Variants in PRAM1 observed in about 807,000 individuals in gnomAD.
The protein encoded by PRAM1 is PML-RARA-regulated adapter molecule 1.
Under a neutral mutation model 55.3 loss-of-function variants are expected in PRAM1, and 41 were observed. That is an observed-to-expected ratio of 0.74 (90% CI 0.58 to 0.96). PRAM1 has a LOEUF of 0.96. Ranked by LOEUF, PRAM1 falls within the 40% of genes least tolerant of loss-of-function variation. The pLI, the probability that PRAM1 is intolerant of heterozygous loss-of-function variation, is 0.00. For synonymous variants in PRAM1, 401 were observed against 387.1 expected (o/e 1.04, Z -0.42); for missense variants, 898 against 892.7 (o/e 1.01, Z -0.08).
rs1257620412 is a variant in PRAM1 at position 8,498,670 on chromosome 19, G to A, written c.1138C>T (p.Arg380Ter). 6.2e-7 allele frequency: 1 copy of A among 1,609,020 alleles called. No homozygotes were observed. The highest frequency in any genetic ancestry group is 8.5e-7 in the Non-Finnish European group (1 of 1,178,064). ...GCGGAGCTGGGGAGTGGAGGCTTTC[G>A]AGGGAGATCACCGAAGAACTCAGGC... Reference protein sequence around the residue: ...PQPEFFGDLPRKPPLPSSASE... With the variant: ...PQPEFFGDLP The change falls in exon 2 of 10, where the codon CGA becomes TGA. Residue 380 changes from arginine to a stop codon, truncating the protein, a stop_gained. Coordinates refer to ENST00000423345, the MANE Select transcript of PRAM1 (RefSeq NM_032152.5). LOFTEE classifies it high-confidence loss of function.
chr19:8,497,264 G>A (rs558976171), intron 4 of PRAM1, among the ~76,000 whole-genome samples: 1 of 149,554 alleles, frequency 6.7e-6, no homozygotes, highest in African/African-American at 2.5e-5. Context: ...CTGCAGTCTC[G>A]ACCTCCTGGA....
Position 8,499,370 on chromosome 19 carries a change from A to T in PRAM1, c.438T>A (p.Pro146=). ...ATPFPRKPLQ[P]EVGEAPLKAS... is the part of the protein sequence containing the mutation. ...CCTTCAAAGGGGCCTCACCGACCTC[A>T]GGCTGCAGGGGCTTCCTTGGAAACG... is the stretch of plus-strand genomic sequence containing the variant. Residue 146 remains proline, a synonymous_variant, in exon 2 of 10, where the codon CCT becomes CCA. Coordinates refer to ENST00000423345, the MANE Select transcript of PRAM1 (RefSeq NM_032152.5). 1 of 1,612,930 alleles carries T rather than the reference A, an allele frequency of 6.2e-7. No individual in the cohort carries two copies. The highest frequency in any genetic ancestry group is 8.5e-7 in the Non-Finnish European group (1 of 1,179,756).
chr19:8,496,086 C>G (rs1284169216), intron 4 of PRAM1: 1 of 455,978 alleles, frequency 2.2e-6, no homozygotes, highest in African/African-American at 2.0e-5. Flanking sequence ...CAAGTTCTGC[C>G]TGGACATCCC....
At position 8,490,167 on chromosome 19, in the gene PRAM1, C is replaced by T. The variant is rs768846116; in HGVS notation, c.*22G>A. ...AGCGGGCGCTGGGCTGGCTGGCTGT[C>T]CTGGCCCCACGCCTACCGGTCTTAC... On this transcript the variant is annotated 3_prime_UTR_variant, in exon 10 of 10. Coordinates refer to ENST00000423345, the MANE Select transcript of PRAM1 (RefSeq NM_032152.5). The surrounding 1 kb of genome is among the most constrained non-coding windows in gnomAD (Gnocchi z 7.3). 1.9e-6 allele frequency: 3 copies of T among 1,545,642 alleles called. No homozygotes were observed. The South Asian group carries it at 3.8e-5, about 19-fold the overall frequency.
intron 1 of PRAM1, among the ~76,000 whole-genome samples, chr19:8,500,829 G>T (rs958145634): frequency 6.6e-6 from 1 of 151,966 alleles, no homozygotes; most frequent in African/African-American, 2.4e-5. Context: ...GCAATGGCGC[G>T]ATCTCGGCTC....
intron 1 of PRAM1, among the ~76,000 whole-genome samples, chr19:8,501,852 A>AGGTCTCCT (rs1423548129): frequency 6.6e-6 from 1 of 152,132 alleles, no homozygotes; most frequent in Non-Finnish European, 1.5e-5. Context: ...CTGCATACCC[A>AGGTCTCCT]GCTGTCCCAG....
chr19:8,496,945 G>C (rs986216967), intron 4 of PRAM1, among the ~76,000 whole-genome samples: 6 of 152,136 alleles, frequency 3.9e-5, no homozygotes, highest in African/African-American at 7.2e-5. Flanking sequence ...AGAATGGCAT[G>C]AACCCGGGAG....
intron 1 of PRAM1, 114 bp from the exon 2 acceptor site, chr19:8,499,894 C>A: frequency 1.1e-6 from 1 of 874,340 alleles, no homozygotes; most frequent in Non-Finnish European, 1.7e-6. Context: ...CGCCCAGGCC[C>A]GGTCAGCCCT....
chr19:8,498,087 C>G, intron 3 of PRAM1, 136 bp downstream of exon 3: 1 of 954,872 alleles, frequency 1.0e-6, no homozygotes, highest in East Asian at 2.6e-5. Flanking sequence ...ACCACGTTGG[C>G]CAGGCTGTTG....
In PRAM1 at chr19:8,499,707, T is replaced by C; in HGVS notation, c.101A>G (p.Lys34Arg). 2 of 1,613,802 alleles carry C rather than the reference T, an allele frequency of 1.2e-6. No individual in the cohort carries two copies. The highest frequency in any genetic ancestry group is 1.7e-6 in the Non-Finnish European group (2 of 1,179,810). Residue 34 changes from lysine (K) to arginine (R), a missense_variant, in exon 2 of 10, where the codon AAA (lysine) becomes AGA (arginine). By Grantham distance (26) the Lys-to-Arg change is conservative (BLOSUM62 2). Transcript: ENST00000423345. ...ASQPEPSDLP[K>R]KPPKPEFGKL... ...ACCAAACTCAGGCTTCGGAGGTTTT[T>C]TGGGCAGGTCGCTGGGCTCCGGCTG...
Position 8,502,630 on chromosome 19 carries a change from G to C in PRAM1, c.-39C>G. Reference sequence around the variant, plus strand: ...CCCGAGCTGGGGCCGCTGCCTTCAGGAAGTGACTGTGGCTTCTGCTCCACG... The same window carrying C: ...CCCGAGCTGGGGCCGCTGCCTTCAGCAAGTGACTGTGGCTTCTGCTCCACG... On this transcript the variant is annotated 5_prime_UTR_variant, in exon 1 of 10. Transcript: ENST00000423345. 1 of 1,540,570 alleles carries C rather than the reference G, an allele frequency of 6.5e-7. No individual in the cohort carries two copies. Among genetic ancestry groups the C allele is most frequent in the Non-Finnish European group, 8.7e-7 (1 of 1,142,996 alleles).
At chr19:8,491,017 T>A (rs753314714) in intron 5 of PRAM1, 22 bp from the exon 6 acceptor site, 4 of 1,612,930 alleles carry the variant, frequency 2.5e-6, no homozygotes, top group Non-Finnish European at 3.4e-6. Flanking sequence ...CACCAAGGAA[T>A]TGTGTGCTCG....
In PRAM1 at chr19:8,498,768, TGCA is replaced by T. The variant is rs2145793792; in HGVS notation, c.1037_1039del (p.Leu346del). On this transcript the variant is annotated inframe_deletion, in exon 2 of 10. Coordinates refer to ENST00000423345, the MANE Select transcript of PRAM1 (RefSeq NM_032152.5). Reference sequence around the variant, plus strand: ...GCGGGGTGGCCCCCGGCGCTCCGGCTGCAGCAGCTTCCTGGGGAGTGAGTTGAA... The same window carrying T: ...GCGGGGTGGCCCCCGGCGCTCCGGCTGCAGCTTCCTGGGGAGTGAGTTGAA... The T allele has an allele frequency of 1.3e-6, 2 of 1,573,760 alleles. No homozygotes were observed. The highest frequency in any genetic ancestry group is 2.3e-5 in the South Asian group (2 of 86,524).
intron 4 of PRAM1, among the ~76,000 whole-genome samples, chr19:8,495,780 C>T (rs552672049): frequency 2.0e-5 from 3 of 150,954 alleles, no homozygotes; most frequent in African/African-American, 7.3e-5. Context: ...AGGTGCTTCC[C>T]TGGAAGCTGC....
In PRAM1 at chr19:8,498,794, G is replaced by T. The variant is rs1450814828; in HGVS notation, c.1014C>A (p.Phe338Leu). Residue 338 changes from phenylalanine to leucine, a missense_variant, in exon 2 of 10, where the codon TTC becomes TTA. Phe to Leu is a conservative substitution (Grantham distance 22). This residue lies in a region of PRAM1 where 787 missense variants were observed against 735.4 expected (regional missense o/e 1.07). Coordinates refer to ENST00000423345, the MANE Select transcript of PRAM1 (RefSeq NM_032152.5). ...GCAGCAGCTTCCTGGGGAGTGAGTT[G>T]AACTCGGGCTCTGAGGAGGTCCTGG... ...GLPRTSSEPE[F>L]NSLPRKLLQP... 6.3e-7 allele frequency: 1 copy of T among 1,578,226 alleles called. No homozygotes were observed. The highest frequency in any genetic ancestry group is 8.6e-7 in the Non-Finnish European group (1 of 1,162,650).
intron 4 of PRAM1, chr19:8,496,007 T>C (rs1202124778): frequency 2.2e-6 from 1 of 453,764 alleles, no homozygotes; most frequent in South Asian, 1.6e-5. Flanking sequence ...TAAGAAACCT[T>C]TGGCAGCCTC....
rs770334314 is a variant in PRAM1 at position 8,490,475 on chromosome 19, CAG to C, written c.1939_1940del (p.Leu647GlyfsTer7). On this transcript the variant is annotated frameshift_variant and splice_region_variant, in exon 8 of 10. Coordinates refer to ENST00000423345, the MANE Select transcript of PRAM1 (RefSeq NM_032152.5). LOFTEE classifies it high-confidence loss of function. This position sits in a 1 kb window ranked among gnomAD's most constrained non-coding sequence, Gnocchi z 7.3. Reference protein sequence around the residue: ...GYVPRTALLPLETEVYDDVDF... With the variant: ...GYVPRTALLPXETEVYDDVDF... ...CCACCACGGTCAGGGCTGGCACTCA[CAG>C]GGGCAGGAGCGCTGTTCTGGGCACG... The C allele has an allele frequency of 1.3e-4, 208 of 1,612,816 alleles. No homozygotes were observed. Among genetic ancestry groups the C allele is most frequent in the Non-Finnish European group, 1.5e-4 (178 of 1,179,562 alleles).
At position 8,498,619 on chromosome 19, in the gene PRAM1, C is replaced by T. The variant is rs774595612; in HGVS notation, c.1189G>A (p.Val397Met). Residue 397 changes from valine (V) to methionine (M), a missense_variant, in exon 2 of 10, where the codon GTG (valine) becomes ATG (methionine). Transcript: ENST00000423345. ...SASESSLPAA[V>M]AGFSSRHPLS... ...GGGTGCCGGGAGCTGAAGCCGGCCA[C>T]GGCCGCAGGCAGTGAGCTCTCGGAA... 2.0e-5 allele frequency: 32 copies of T among 1,612,362 alleles called. No homozygotes were observed. Among genetic ancestry groups the T allele is most frequent in the African/African-American group, 2.7e-5 (2 of 74,936 alleles).
Position 8,497,845 on chromosome 19 carries a change from G to C in PRAM1, c.1500-5C>G, listed in dbSNP as rs370499631. ...TCGTAGATCTCATCTGGGACCCTGC[G>C]GGGATACCTGAGATGAGGCCTCTTC... On this transcript the variant is annotated splice_polypyrimidine_tract_variant and splice_region_variant and intron_variant, in intron 3 of 9. Transcript: ENST00000423345. 9 of 1,579,036 alleles carry C rather than the reference G, an allele frequency of 5.7e-6. No individual in the cohort carries two copies. Among genetic ancestry groups the C allele is most frequent in the African/African-American group, 1.4e-5 (1 of 72,470 alleles).
Sources: allele counts gnomAD v4.1 joint callset (sites outside exome capture counted in the v4.1 genomes callset), GRCh38; gene constraint gnomAD v4.1.1; regional missense constraint gnomAD v4.1.1; non-coding constraint Gnocchi (gnomAD v3.1); transcripts MANE v1.5; gene names NCBI Gene and HGNC (gene_info 2026-07-23, HGNC 2026-07-21).